The following SLC8A1 variants were observed in gnomAD, a reference collection of about 807,000 sequenced individuals.
SLC8A1 encodes the protein solute carrier family 8 member A1.
A neutral mutation model predicts 68.3 loss-of-function variants in SLC8A1; 18 were observed. The ratio of observed to expected loss-of-function variants is 0.26; its 90% confidence interval spans 0.18 to 0.39. The LOEUF (loss-of-function observed/expected upper bound fraction) is 0.39. Ranked by LOEUF, SLC8A1 falls within the 10% of genes least tolerant of loss-of-function variation. The pLI is 1.00. For missense variants in SLC8A1, 985 were observed against 1,156.7 expected (o/e 0.85, Z 2.15); for synonymous variants, 475 against 415.5 (o/e 1.14, Z -1.74).
At chr2:40,336,803 A>G (rs1024574246) in intron 2 of SLC8A1, among the ~76,000 whole-genome samples, 2 of 152,136 alleles carry the variant, frequency 1.3e-5, no homozygotes, top group Non-Finnish European at 2.9e-5. Context: ...GTAATATTAT[A>G]GACTGTGGTG....
At position 40,152,234 on chromosome 2, in the gene SLC8A1, T is replaced by C. The variant is rs181030644; in HGVS notation, c.2161+8531A>G. Reference sequence around the variant, plus strand: ...ATTTCTTGAAAGGTACTTGAATCTTTTGTATCACTCTCTTACATAAATTCT... The same window carrying C: ...ATTTCTTGAAAGGTACTTGAATCTTCTGTATCACTCTCTTACATAAATTCT... On this transcript the variant is annotated intron_variant, in intron 6 of 7. Coordinates refer to ENST00000406785, the Ensembl canonical transcript of SLC8A1. Among the ~76,000 whole-genome samples, 319 of 152,342 alleles carry C rather than the reference T, an allele frequency of 2.1e-3. 1 individual carries two copies. The highest frequency in any genetic ancestry group is 3.1e-3 in the Non-Finnish European group (214 of 68,032).
At chr2:40,294,135 TTCTTTGATGCAGCAATGCTA>T (rs1331359395) in intron 2 of SLC8A1, among the ~76,000 whole-genome samples, 22 of 152,188 alleles carry the variant, frequency 1.4e-4, no homozygotes, top group African/African-American at 4.8e-4. Flanking sequence ...ATTATGTGTA[TTCTTTGATGCAGCAATGCTA>T]CTTCTAAGAG....
rs558605061 is a variant in SLC8A1, at chr2:40,358,550, C to T, written c.1808+69923G>A. Among the ~76,000 whole-genome samples, 11 of 152,208 alleles carry T rather than the reference C, an allele frequency of 7.2e-5. No individual in the cohort carries two copies. In the East Asian group the frequency reaches 2.1e-3, roughly 29 times the overall value. On this transcript the variant is annotated intron_variant, in intron 2 of 7. Transcript: ENST00000406785. The stretch of plus-strand genomic sequence containing the variant: ...TTTTAAAACCTAATCCAGTCTAATC[C>T]TATTTATTCTCTTTATTTTGTGGAG...
chr2:40,301,953 C>T lies in SLC8A1; in HGVS notation c.1809-124098G>A, dbSNP rs1037741286. 2.0e-5 allele frequency among the ~76,000 whole-genome samples: 3 copies of T among 151,842 alleles called. No individual in the cohort carries two copies. In the East Asian group the frequency reaches 5.8e-4, roughly 29 times the overall value. ...TCGCAGCTCACTGCAACCTCTGACTCCTGGGTTCAAGCAATTCTCCTGCCT... is the reference window on the plus strand; with the variant it reads ...TCGCAGCTCACTGCAACCTCTGACTTCTGGGTTCAAGCAATTCTCCTGCCT... On this transcript the variant is annotated intron_variant, in intron 2 of 7. Transcript: ENST00000406785.
intron 2 of SLC8A1, among the ~76,000 whole-genome samples, chr2:40,256,818 G>C (rs2064002115): frequency 1.3e-5 from 2 of 152,080 alleles, no homozygotes; most frequent in Non-Finnish European, 2.9e-5. Flanking sequence ...ACAGGGTTGG[G>C]GATGCTGAGT....
intron 2 of SLC8A1, among the ~76,000 whole-genome samples, chr2:40,220,559 G>A (rs1156873766): frequency 6.6e-6 from 1 of 152,112 alleles, no homozygotes; most frequent in East Asian, 1.9e-4. Context: ...TTATTTTCCT[G>A]ACAAAGCAGT....
At chr2:40,487,741 A>G (rs72798691) in intron 1 of SLC8A1, among the ~76,000 whole-genome samples, 422 of 152,312 alleles carry the variant, frequency 2.8e-3, no homozygotes, top group Admixed American at 4.1e-3. Context: ...GAGTGAAAGA[A>G]GCCCATTGCG....
intron 2 of SLC8A1, among the ~76,000 whole-genome samples, chr2:40,369,647 A>C (rs752925100): frequency 1.3e-5 from 2 of 152,096 alleles, no homozygotes; most frequent in African/African-American, 2.4e-5. Context: ...CAGCCATTTC[A>C]ATACTTGTTA....
chr2:40,483,816 G>C (rs949458617), intron 1 of SLC8A1, among the ~76,000 whole-genome samples: 12 of 152,306 alleles, frequency 7.9e-5, no homozygotes, highest in African/African-American at 2.6e-4. Flanking sequence ...TGGTCCACGA[G>C]ACAGTACACT....
At chr2:40,506,593 G>T (rs1296007948) in intron 1 of SLC8A1, among the ~76,000 whole-genome samples, 3 of 151,748 alleles carry the variant, frequency 2.0e-5, no homozygotes, top group African/African-American at 7.3e-5. Context: ...CTAGTTTATT[G>T]TTGACATGGT....
chr2:40,107,120 T>C (rs1294797278), exon 8 of SLC8A1: 3 of 151,962 alleles, frequency 2.0e-5, no homozygotes, highest in African/African-American at 7.3e-5. Flanking sequence ...TGTCCCGGTA[T>C]GTGTGGTGGG....
chr2:40,206,707 T>C (rs181726599), intron 2 of SLC8A1, among the ~76,000 whole-genome samples: 35 of 152,062 alleles, frequency 2.3e-4, no homozygotes, highest in African/African-American at 7.5e-4. Context: ...AGAGATAAAA[T>C]TGGTATACTA....
chr2:40,441,752 A>T (rs1343731865), intron 1 of SLC8A1, among the ~76,000 whole-genome samples: 1 of 152,124 alleles, frequency 6.6e-6, no homozygotes, highest in Non-Finnish European at 1.5e-5. Flanking sequence ...CCTACACCTT[A>T]TACAAAAATT....
intron 2 of SLC8A1, among the ~76,000 whole-genome samples, chr2:40,288,676 T>G (rs1575098101): frequency 6.6e-6 from 1 of 152,096 alleles, no homozygotes; most frequent in South Asian, 2.1e-4. Context: ...ATTTACATCA[T>G]GGGTATAGGC....
intron 2 of SLC8A1, among the ~76,000 whole-genome samples, chr2:40,254,056 T>C (rs1231424236): frequency 6.6e-6 from 1 of 152,190 alleles, no homozygotes; most frequent in African/African-American, 2.4e-5. Flanking sequence ...TGGTAAATGT[T>C]TGTTTGAGAT....
At chr2:40,352,792 G>C (rs985573625) in intron 2 of SLC8A1, among the ~76,000 whole-genome samples, 1 of 152,136 alleles carries the variant, frequency 6.6e-6, no homozygotes, top group Non-Finnish European at 1.5e-5. Flanking sequence ...GTGGCTTTAA[G>C]TTAACACCAG....
chr2:40,373,826 A>T (rs574655718), intron 2 of SLC8A1, among the ~76,000 whole-genome samples: 1 of 152,224 alleles, frequency 6.6e-6, no homozygotes, highest in African/African-American at 2.4e-5. Flanking sequence ...CCATTCCCCC[A>T]TCTTTTGCCA....
intron 2 of SLC8A1, among the ~76,000 whole-genome samples, chr2:40,316,947 T>G (rs2149326451): frequency 6.6e-6 from 1 of 152,136 alleles, no homozygotes. Context: ...GCTCATTTAT[T>G]TATTTATAAA....
chr2:40,475,924 G>T (rs975251770), intron 1 of SLC8A1, among the ~76,000 whole-genome samples: 6 of 151,880 alleles, frequency 4.0e-5, no homozygotes, highest in Non-Finnish European at 2.9e-5. Context: ...TCATAGAAAA[G>T]GATTTTGGGA....
Sources: gnomAD v4.1 joint callset for allele counts (sites outside exome capture counted in the v4.1 genomes callset) on GRCh38, gnomAD v4.1.1 for gene constraint, MANE v1.5 for transcripts, NCBI Gene and HGNC (gene_info 2026-07-23, HGNC 2026-07-21) for gene names.